NKAIN3: variants seen among roughly 807,000 people sequenced by gnomAD.
The protein encoded by NKAIN3 is sodium/potassium transporting ATPase interacting 3.
NKAIN3 carries 25 observed loss-of-function variants against 30.2 expected under a neutral mutation model. The observed-to-expected ratio is 0.83, with a 90% CI of 0.60 to 1.16. NKAIN3 has a LOEUF of 1.16. Ranked by LOEUF, NKAIN3 falls within the 50% of genes most tolerant of loss-of-function variation. The probability of loss-of-function intolerance (pLI) is 0.00; values close to 1 mark genes in which losing one functional copy is unlikely to be tolerated. For synonymous variants in NKAIN3, 91 were observed against 89.6 expected (o/e 1.02, Z -0.09); for missense variants, 225 against 254.1 (o/e 0.89, Z 0.78).
intron 1 of NKAIN3, among the ~76,000 whole-genome samples, chr8:62,360,075 G>A (rs1426526033): frequency 6.6e-6 from 1 of 152,142 alleles, no homozygotes; most frequent in African/African-American, 2.4e-5. Context: ...CTCTTGTCTT[G>A]GAGGTGTTCC....
intron 4 of NKAIN3, among the ~76,000 whole-genome samples, chr8:62,796,878 C>A (rs1319826343): frequency 6.6e-6 from 1 of 151,482 alleles, no homozygotes; most frequent in East Asian, 1.9e-4. Context: ...GAAATCTGTC[C>A]ATTAGCACTT....
At chr8:62,459,092 A>G (rs1174769248) in intron 1 of NKAIN3, among the ~76,000 whole-genome samples, 6 of 150,444 alleles carry the variant, frequency 4.0e-5, no homozygotes, top group Non-Finnish European at 8.8e-5. Flanking sequence ...AGTTTGGGCT[A>G]TTAGACCCTA....
intron 1 of NKAIN3, among the ~76,000 whole-genome samples, chr8:62,331,644 T>C (rs1261345681): frequency 1.3e-5 from 2 of 152,170 alleles, no homozygotes; most frequent in Non-Finnish European, 2.9e-5. Context: ...GAATAATTCT[T>C]TCTTATCTGG....
chr8:62,336,767 C>T (rs1304343727), intron 1 of NKAIN3, among the ~76,000 whole-genome samples: 2 of 151,962 alleles, frequency 1.3e-5, no homozygotes, highest in Non-Finnish European at 2.9e-5. Flanking sequence ...CTGAGAGTTC[C>T]TTCTGCTCCA....
At chr8:62,600,845 G>C (rs935267422) in intron 3 of NKAIN3, among the ~76,000 whole-genome samples, 2 of 152,068 alleles carry the variant, frequency 1.3e-5, no homozygotes, top group Non-Finnish European at 2.9e-5. Context: ...CAGCCAGGCA[G>C]CATCAGTGAA....
intron 5 of NKAIN3, 128 bp from the exon 6 acceptor site, chr8:62,953,774 T>C (rs1349545807): frequency 1.2e-5 from 2 of 171,832 alleles, no homozygotes; most frequent in Non-Finnish European, 2.3e-5. Context: ...TCCTTTTTAC[T>C]AAACATTTTT....
chr8:62,820,694 A>G (rs1586234825), intron 4 of NKAIN3, among the ~76,000 whole-genome samples: 1 of 152,280 alleles, frequency 6.6e-6, no homozygotes, highest in Non-Finnish European at 1.5e-5. Context: ...AGTAATGGGC[A>G]GAGACGAGGA....
At chr8:62,762,702 C>T (rs989452405) in intron 4 of NKAIN3, among the ~76,000 whole-genome samples, 5 of 151,874 alleles carry the variant, frequency 3.3e-5, no homozygotes, top group Non-Finnish European at 7.4e-5. Context: ...ACAGTTCTTG[C>T]AGGAAAAGAG....
chr8:62,431,871 A>T (rs796693444), intron 1 of NKAIN3, among the ~76,000 whole-genome samples: 10,880 of 142,654 alleles, frequency 0.076, 748 homozygotes, highest in African/African-American at 0.17. Flanking sequence ...AAGGAAAAAA[A>T]AAAAAAAAAG....
At chr8:62,567,963 T>G (rs940209053) in intron 1 of NKAIN3, among the ~76,000 whole-genome samples, 5 of 152,216 alleles carry the variant, frequency 3.3e-5, no homozygotes, top group African/African-American at 1.2e-4. Flanking sequence ...GTTTTTCACA[T>G]GTGTATCAAA....
chr8:62,878,818 A>T (rs1037099377), intron 4 of NKAIN3, among the ~76,000 whole-genome samples: 4 of 151,980 alleles, frequency 2.6e-5, no homozygotes, highest in African/African-American at 9.7e-5. Context: ...AGCTTCATCC[A>T]TGTCCCTACA....
At chr8:62,433,125 C>CT (rs565886804) in intron 1 of NKAIN3, among the ~76,000 whole-genome samples, 325 of 152,232 alleles carry the variant, frequency 2.1e-3, no homozygotes, top group Non-Finnish European at 3.9e-3. Flanking sequence ...ATTTTTGCCA[C>CT]TTTTTGATTC....
At chr8:62,283,309 T>A (rs1813264863) in intron 1 of NKAIN3, among the ~76,000 whole-genome samples, 1 of 152,132 alleles carries the variant, frequency 6.6e-6, no homozygotes, top group South Asian at 2.1e-4. Context: ...TAAATATATT[T>A]GTGTCAATCC....
Position 62,896,597 on chromosome 8 carries a change from T to C in NKAIN3, c.472-21856T>C, listed in dbSNP as rs10112425. On this transcript the variant is annotated intron_variant, in intron 4 of 6. Transcript: ENST00000623646. Reference sequence around the variant, plus strand: ...CCTAATGCCCAAAAGACCATGCTGCTAATGTCAAGGTGTAACTTGTTGCTT... The same window carrying C: ...CCTAATGCCCAAAAGACCATGCTGCCAATGTCAAGGTGTAACTTGTTGCTT... 8.5e-3 allele frequency among the ~76,000 whole-genome samples: 1,292 copies of C among 152,280 alleles called. 22 individuals carry two copies. Among genetic ancestry groups the C allele is most frequent in the African/African-American group, 0.03 (1,247 of 41,566 alleles).
rs185473114 is a variant in NKAIN3, at chr8:62,461,131, A to G, written c.55-118408A>G. 2.0e-3 allele frequency among the ~76,000 whole-genome samples: 300 copies of G among 152,324 alleles called. 3 individuals carry two copies. Among genetic ancestry groups the G allele is most frequent in the African/African-American group, 6.7e-3 (278 of 41,570 alleles). On this transcript the variant is annotated intron_variant, in intron 1 of 6. Coordinates refer to ENST00000623646, the MANE Select transcript of NKAIN3 (RefSeq NM_001304533.3). ...CTAATGCAGAGTTGCAGATGCCTTG[A>G]TGATTGTTGAAAGTATGTCTCAACA...
chr8:62,983,294 G>A lies in NKAIN3; in HGVS notation c.*17887G>A, dbSNP rs1009079385. 1.3e-5 allele frequency: 2 copies of A among 152,068 alleles called. No homozygotes were observed. The highest frequency in any genetic ancestry group is 4.8e-5 in the African/African-American group (2 of 41,422). 9.4% of individuals were successfully genotyped at this position (152,068 alleles called of 1,614,324 possible). ...GCTCCTAGTCCAGTGGTGAAGAGGT[G>A]TATTAACCCTCAAGGCCCTAAGAAA... On this transcript the variant is annotated 3_prime_UTR_variant, in exon 7 of 7. Coordinates refer to ENST00000623646, the MANE Select transcript of NKAIN3 (RefSeq NM_001304533.3).
chr8:62,921,286 A>T (rs1458464329), intron 5 of NKAIN3, among the ~76,000 whole-genome samples: 1 of 152,206 alleles, frequency 6.6e-6, no homozygotes, highest in African/African-American at 2.4e-5. Context: ...GGCAGGCAAT[A>T]CATCATTCAT....
At chr8:62,250,176 T>C (rs890516476) in intron 1 of NKAIN3, among the ~76,000 whole-genome samples, 6 of 152,244 alleles carry the variant, frequency 3.9e-5, no homozygotes, top group African/African-American at 9.6e-5. Flanking sequence ...GCAAGACTTA[T>C]TAACTGAGGG....
chr8:62,784,462 A>G (rs1260457153), intron 4 of NKAIN3, among the ~76,000 whole-genome samples: 1 of 152,034 alleles, frequency 6.6e-6, no homozygotes, highest in Admixed American at 6.6e-5. Flanking sequence ...ATTATTGACC[A>G]TACAGAAATT....
Sources: gnomAD v4.1 joint callset for allele counts (sites outside exome capture counted in the v4.1 genomes callset) on GRCh38, gnomAD v4.1.1 for gene constraint, MANE v1.5 for transcripts, NCBI Gene and HGNC (gene_info 2026-07-23, HGNC 2026-07-21) for gene names.